KIRREL3: variants seen among roughly 807,000 people sequenced by gnomAD.
KIRREL3 encodes kin of IRRE-like protein 3.
KIRREL3 carries 36 observed loss-of-function variants against 89.7 expected under a neutral mutation model. The ratio of observed to expected loss-of-function variants is 0.40; its 90% CI spans 0.31 to 0.53. KIRREL3 has a LOEUF of 0.53. Among genes scored for constraint, KIRREL3 ranks in the 20% least tolerant of loss-of-function variants. The pLI is 0.49. For synonymous variants in KIRREL3, 445 were observed against 441.4 expected (o/e 1.01, Z -0.10); for missense variants, 864 against 1,056.6 (o/e 0.82, Z 2.53).
At position 126,528,946 on chromosome 11, in the gene KIRREL3, T is replaced by G. The variant is rs1353126827; in HGVS notation, c.134-2259A>C. 6.6e-6 allele frequency among the ~76,000 whole-genome samples: 1 copy of G among 152,104 alleles called. No homozygotes were observed. Among genetic ancestry groups the G allele is most frequent in the Non-Finnish European group, 1.5e-5 (1 of 68,008 alleles). On this transcript the variant is annotated intron_variant, in intron 2 of 16. Coordinates refer to ENST00000525144, the MANE Select transcript of KIRREL3 (RefSeq NM_032531.4). The surrounding 1 kb of genome is among the most constrained non-coding windows in gnomAD (Gnocchi z 4.6). ...TCATCCTTTTATCTCAAAATCTTTC[T>G]TACAAGAAGGACAGAGTCAAGGCAG...
In KIRREL3 at chr11:126,515,004, A is replaced by G. The variant is rs1336340446; in HGVS notation, c.433+6311T>C. On this transcript the variant is annotated intron_variant, in intron 4 of 16. Transcript: ENST00000525144. The surrounding 1 kb of genome is among the most constrained non-coding windows in gnomAD (Gnocchi z 4.2). ...TTGCCATGAGGAACATTTACTGAACACCCAGTATGTGATTCTAGGCTGTGC... is the reference window on the plus strand; with the variant it reads ...TTGCCATGAGGAACATTTACTGAACGCCCAGTATGTGATTCTAGGCTGTGC... 1.3e-5 allele frequency among the ~76,000 whole-genome samples: 2 copies of G among 152,130 alleles called. No individual in the cohort carries two copies. Among genetic ancestry groups the G allele is most frequent in the Non-Finnish European group, 2.9e-5 (2 of 68,024 alleles).
chr11:126,735,011 C>T (rs1184278891), intron 1 of KIRREL3, among the ~76,000 whole-genome samples: 3 of 152,150 alleles, frequency 2.0e-5, no homozygotes, highest in South Asian at 2.1e-4. Context: ...CAGGGAGGCT[C>T]ATAACGGGGC....
Position 126,812,552 on chromosome 11 carries a change from A to G in KIRREL3, c.55+187903T>C, listed in dbSNP as rs559858707. 9.2e-4 allele frequency among the ~76,000 whole-genome samples: 140 copies of G among 152,322 alleles called. 1 individual carries two copies. Among genetic ancestry groups the G allele is most frequent in the African/African-American group, 3.1e-3 (130 of 41,564 alleles). Reference sequence around the variant, plus strand: ...GTACTCCGCACGGTGTCTGGCACACAGTAGGCACTTCACAAATGCTAACAA... The same window carrying G: ...GTACTCCGCACGGTGTCTGGCACACGGTAGGCACTTCACAAATGCTAACAA... On this transcript the variant is annotated intron_variant, in intron 1 of 16. Transcript: ENST00000525144. This position sits in a 1 kb window ranked among gnomAD's most constrained non-coding sequence, Gnocchi z 5.2.
At chr11:126,630,750 C>G (rs565867680) in intron 1 of KIRREL3, among the ~76,000 whole-genome samples, 1 of 152,112 alleles carries the variant, frequency 6.6e-6, no homozygotes, top group Non-Finnish European at 1.5e-5. Context: ...GTCTTTGACT[C>G]CTGATTGGCC....
chr11:126,439,341 A>AG (rs1955474333), intron 11 of KIRREL3, among the ~76,000 whole-genome samples: 2 of 151,298 alleles, frequency 1.3e-5, no homozygotes, highest in Admixed American at 1.3e-4. Context: ...AAAAAGAAAG[A>AG]GGGAAAAAAA....
chr11:126,677,864 C>A lies in KIRREL3; in HGVS notation c.56-114952G>T, dbSNP rs1946268312. The stretch of plus-strand genomic sequence containing the variant: ...GGCCTGAGCCCTCAGATACCTGGTG[C>A]CCTGGGAATGTTCCCAACCAGATGA... On this transcript the variant is annotated intron_variant, in intron 1 of 16. Transcript: ENST00000525144. This position sits in a 1 kb window ranked among gnomAD's most constrained non-coding sequence, Gnocchi z 5.1. 6.6e-6 allele frequency among the ~76,000 whole-genome samples: 1 copy of A among 152,116 alleles called. No individual in the cohort carries two copies. The highest frequency in any genetic ancestry group is 2.4e-5 in the African/African-American group (1 of 41,426).
intron 1 of KIRREL3, among the ~76,000 whole-genome samples, chr11:126,855,276 C>T (rs374217002): frequency 2.0e-5 from 3 of 152,158 alleles, no homozygotes; most frequent in East Asian, 1.9e-4. Context: ...TGCGTTCTTG[C>T]GATAGTAAGT....
At chr11:126,600,611 G>C (rs935811118) in intron 1 of KIRREL3, among the ~76,000 whole-genome samples, 1 of 152,114 alleles carries the variant, frequency 6.6e-6, no homozygotes, top group African/African-American at 2.4e-5. Flanking sequence ...AAATCTATGG[G>C]TGGTGCAAAT....
chr11:126,959,094 T>C (rs1949006905), intron 1 of KIRREL3, among the ~76,000 whole-genome samples: 1 of 152,192 alleles, frequency 6.6e-6, no homozygotes, highest in Non-Finnish European at 1.5e-5. Flanking sequence ...CTGATAGCCT[T>C]GAGCTGGGAC....
intron 2 of KIRREL3, among the ~76,000 whole-genome samples, chr11:126,554,272 A>C (rs536026532): frequency 6.6e-6 from 1 of 152,306 alleles, no homozygotes; most frequent in Admixed American, 6.5e-5. Flanking sequence ...CTAAGGTTTC[A>C]TAGCAAGGCA....
chr11:126,450,300 TGA>T (rs1377431554), intron 7 of KIRREL3, among the ~76,000 whole-genome samples: 9 of 151,080 alleles, frequency 6.0e-5, no homozygotes, highest in East Asian at 3.9e-4. Flanking sequence ...TGTGCATGTG[TGA>T]GTGTGCCCAT....
chr11:126,669,793 C>T lies in KIRREL3; in HGVS notation c.56-106881G>A, dbSNP rs1366015572. ...TTTAAATTATAAATCCAGTCTTGAC[C>T]TATCCCTTGGGCTAAAGATTTGTAG... On this transcript the variant is annotated intron_variant, in intron 1 of 16. Transcript: ENST00000525144. This position sits in a 1 kb window ranked among gnomAD's most constrained non-coding sequence, Gnocchi z 5.0. 4.6e-5 allele frequency among the ~76,000 whole-genome samples: 7 copies of T among 152,198 alleles called. No homozygotes were observed. The highest frequency in any genetic ancestry group is 1.4e-4 in the African/African-American group (6 of 41,446).
intron 1 of KIRREL3, among the ~76,000 whole-genome samples, chr11:126,599,423 T>A (rs1471515426): frequency 6.6e-6 from 1 of 152,206 alleles, no homozygotes; most frequent in South Asian, 2.1e-4. Flanking sequence ...TCTTTAACTC[T>A]TAAAATGAAA....
rs1419395525 is a variant in KIRREL3 at position 126,991,169 on chromosome 11, C to A, written c.55+9286G>T. Among the ~76,000 whole-genome samples the A allele has an allele frequency of 6.6e-6, 1 of 152,156 alleles. No homozygotes were observed. The highest frequency in any genetic ancestry group is 1.5e-5 in the Non-Finnish European group (1 of 68,034). On this transcript the variant is annotated intron_variant, in intron 1 of 16. Transcript: ENST00000525144. This position sits in a 1 kb window ranked among gnomAD's most constrained non-coding sequence, Gnocchi z 5.8. ...TTTCTCTTGGCGTTGTCTCTGGTGA[C>A]CCAAAGGGCATTCAAAGCCTTCCAG...
intron 1 of KIRREL3, among the ~76,000 whole-genome samples, chr11:126,688,217 C>T (rs1946741757): frequency 6.6e-6 from 1 of 152,238 alleles, no homozygotes; most frequent in Non-Finnish European, 1.5e-5. Context: ...CAGCTCTGGC[C>T]ACAGTCAGGT....
In KIRREL3 at chr11:126,428,064, C is replaced by G. The variant is rs1463795088; in HGVS notation, c.1806+1115G>C. Among the ~76,000 whole-genome samples, 1 of 152,218 alleles carries G rather than the reference C, an allele frequency of 6.6e-6. No homozygotes were observed. The highest frequency in any genetic ancestry group is 1.5e-5 in the Non-Finnish European group (1 of 68,042). On this transcript the variant is annotated intron_variant, in intron 15 of 16. Transcript: ENST00000525144. This position sits in a 1 kb window ranked among gnomAD's most constrained non-coding sequence, Gnocchi z 6.4. ...AAGGCTCCGAAGACCCCGGGATGAACACAGCAGCAGCTGCTCACCCTCTAG... is the reference window on the plus strand; with the variant it reads ...AAGGCTCCGAAGACCCCGGGATGAAGACAGCAGCAGCTGCTCACCCTCTAG...
chr11:126,848,922 C>T (rs1208465376), intron 1 of KIRREL3, among the ~76,000 whole-genome samples: 1 of 152,164 alleles, frequency 6.6e-6, no homozygotes, highest in Non-Finnish European at 1.5e-5. Context: ...GATCTTCGTT[C>T]CTCTACAACC....
intron 1 of KIRREL3, among the ~76,000 whole-genome samples, chr11:126,718,959 A>G (rs568299399): frequency 1.3e-5 from 2 of 152,340 alleles, no homozygotes; most frequent in South Asian, 4.1e-4. Flanking sequence ...CTTTCCCTCC[A>G]GAGTCATCAT....
At chr11:126,833,291 C>A (rs572851518) in intron 1 of KIRREL3, among the ~76,000 whole-genome samples, 20 of 152,300 alleles carry the variant, frequency 1.3e-4, no homozygotes, top group African/African-American at 4.1e-4. Context: ...TAGGCACACC[C>A]ACACATTACA....
Sources: gnomAD v4.1 joint callset for allele counts (sites outside exome capture counted in the v4.1 genomes callset) on GRCh38, gnomAD v4.1.1 for gene constraint, Gnocchi (gnomAD v3.1) non-coding constraint, MANE v1.5 for transcripts, NCBI Gene and HGNC (gene_info 2026-07-23, HGNC 2026-07-21) for gene names.